The following ARHGEF3 variants were observed in gnomAD, a reference collection of about 807,000 sequenced individuals.
ARHGEF3 encodes the protein 59.8 kDA protein.
A neutral mutation model predicts 63.2 loss-of-function variants in ARHGEF3; 28 were observed. That is an observed-to-expected ratio of 0.44 (90% CI 0.33 to 0.61). The LOEUF is 0.61. Ranked by LOEUF, ARHGEF3 falls within the 20% of genes least tolerant of loss-of-function variation. The pLI, the probability that ARHGEF3 is intolerant of heterozygous loss-of-function variation, is 0.03. For synonymous variants in ARHGEF3, 266 were observed against 254.2 expected, an observed-to-expected ratio of 1.05 and a Z score of -0.44; for missense variants, 533 against 659.3, an observed-to-expected ratio of 0.81 and a Z score of 2.10.
chr3:56,896,974 A>G (rs2041324525), intron 3 of ARHGEF3, among the ~76,000 whole-genome samples: 1 of 152,208 alleles, frequency 6.6e-6, no homozygotes, highest in Admixed American at 6.5e-5. Context: ...TAACCAGCAA[A>G]TTGAAAATAT....
At chr3:56,861,284 T>G (rs1158296183) in intron 4 of ARHGEF3, among the ~76,000 whole-genome samples, 1 of 152,126 alleles carries the variant, frequency 6.6e-6, no homozygotes, top group Non-Finnish European at 1.5e-5. Context: ...GGGTGGGACA[T>G]GGAGGAGTCT....
At chr3:56,839,855 A>AG (rs1042695576) in intron 4 of ARHGEF3, among the ~76,000 whole-genome samples, 1 of 152,108 alleles carries the variant, frequency 6.6e-6, no homozygotes. Flanking sequence ...TGAGGAAGGG[A>AG]GGGTCTGGTC....
chr3:57,061,775 C>T (rs1705235703), intron 1 of ARHGEF3, among the ~76,000 whole-genome samples: 1 of 152,186 alleles, frequency 6.6e-6, no homozygotes, highest in Non-Finnish European at 1.5e-5. Context: ...TTACTCACCA[C>T]TCTAAGAATT....
intron 8 of ARHGEF3, among the ~76,000 whole-genome samples, chr3:56,733,857 G>A (rs924118913): frequency 1.3e-5 from 2 of 151,746 alleles, no homozygotes; most frequent in Non-Finnish European, 2.9e-5. Flanking sequence ...GGTGGCAGGC[G>A]CCTATAATCC....
At chr3:56,836,769 A>C (rs572666154) in intron 4 of ARHGEF3, among the ~76,000 whole-genome samples, 2 of 152,282 alleles carry the variant, frequency 1.3e-5, no homozygotes, top group South Asian at 4.1e-4. Flanking sequence ...CTACAAAAAA[A>C]TACAAAAATT....
intron 8 of ARHGEF3, among the ~76,000 whole-genome samples, chr3:56,734,127 G>C (rs80294830): frequency 6.6e-6 from 1 of 152,042 alleles, no homozygotes; most frequent in Non-Finnish European, 1.5e-5. Context: ...ATGAAGGCTT[G>C]TTTCAGGTCC....
rs1700268762 is a variant in ARHGEF3 at position 56,961,271 on chromosome 3, A to T, written c.63-2382T>A. ...ATCTTACATCATAATTTTATATAAC[A>T]TTATGTAATATGATATAGTGGGAAC... On this transcript the variant is annotated intron_variant, in intron 2 of 12. Transcript: ENST00000338458. Among the ~76,000 whole-genome samples the T allele has an allele frequency of 5.9e-5, 9 of 152,360 alleles. No individual in the cohort carries two copies. In the South Asian group the frequency reaches 1.9e-3, roughly 32 times the overall value.
intron 1 of ARHGEF3, among the ~76,000 whole-genome samples, chr3:57,042,692 A>ATTTTTTTTTTT (rs1447905041): frequency 4.2e-5 from 1 of 23,966 alleles, no homozygotes; most frequent in Non-Finnish European, 8.0e-5. Context: ...ATATATATAT[A>ATTTTTTTTTTT]TATATATATT....
intron 3 of ARHGEF3, among the ~76,000 whole-genome samples, chr3:56,925,869 A>G (rs1387659134): frequency 2.0e-5 from 3 of 152,200 alleles, no homozygotes; most frequent in African/African-American, 7.2e-5. Flanking sequence ...TGGTGGTCCA[A>G]TCTCCCACCT....
At chr3:57,011,260 C>G (rs1341181789) in intron 2 of ARHGEF3, among the ~76,000 whole-genome samples, 1 of 152,182 alleles carries the variant, frequency 6.6e-6, no homozygotes, top group African/African-American at 2.4e-5. Context: ...CATGATGGTG[C>G]TAAGCACATG....
At chr3:56,743,279 G>A (rs1454820111) in intron 7 of ARHGEF3, among the ~76,000 whole-genome samples, 3 of 152,120 alleles carry the variant, frequency 2.0e-5, no homozygotes, top group African/African-American at 7.2e-5. Context: ...TATCCTACTT[G>A]GAGGCACCCA....
In ARHGEF3 at chr3:57,000,306, ACT is replaced by A. The variant is rs1296343008; in HGVS notation, c.62+34780_62+34781del. On this transcript the variant is annotated intron_variant, in intron 2 of 12. Transcript: ENST00000338458. ...TGTAAAGTCCTTTTTTTAGAGGGTA[ACT>A]CCCACACACACACACACACACACAC... is the stretch of plus-strand genomic sequence containing the variant. 4.6e-4 allele frequency among the ~76,000 whole-genome samples: 25 copies of A among 53,996 alleles called. 1 individual carries two copies. The highest frequency in any genetic ancestry group is 3.3e-3 in the South Asian group (4 of 1,204). 35.4% of individuals were successfully genotyped at this position (53,996 alleles called of 152,430 possible). A position where few individuals can be genotyped will look rare whatever the true frequency, so the allele number is the denominator to read the frequency against.
At chr3:57,000,310 C>CCACACACACACACACA (rs71076009) in intron 2 of ARHGEF3, among the ~76,000 whole-genome samples, 9 of 139,264 alleles carry the variant, frequency 6.5e-5, no homozygotes, top group Middle Eastern at 3.6e-3. Context: ...AGGGTAACTC[C>CCACACACACACACACA]CACACACACA....
At chr3:56,755,715 AAGG>A (rs1318923139) in intron 2 of ARHGEF3, among the ~76,000 whole-genome samples, 3 of 151,980 alleles carry the variant, frequency 2.0e-5, no homozygotes, top group Non-Finnish European at 2.9e-5. Flanking sequence ...TTACGGGAGA[AAGG>A]AGGAAAGAGT....
Position 56,767,583 on chromosome 3 carries a change from CA to C in ARHGEF3, c.204+6125del, listed in dbSNP as rs541314948. 4.2e-3 allele frequency among the ~76,000 whole-genome samples: 328 copies of C among 77,416 alleles called. 1 individual carries two copies. The highest frequency in any genetic ancestry group is 0.016 in the African/African-American group (252 of 15,942). The allele number at this position is 77,416 out of a possible 152,430, so 50.8% of individuals were successfully genotyped here. A position where few individuals can be genotyped will look rare whatever the true frequency, so the allele number is the denominator to read the frequency against. On this transcript the variant is annotated intron_variant, in intron 2 of 9. Coordinates refer to ENST00000296315, the MANE Select transcript of ARHGEF3 (RefSeq NM_019555.3). ...TGGGCAACAAAGCGAGACTCCGTCT[CA>C]AAAAAAAAAAAAAAAAAAAAAAATG... is the stretch of plus-strand genomic sequence containing the variant.
chr3:56,911,966 C>CACATATATATATACACACATATATATAT (rs2041863418), intron 3 of ARHGEF3, among the ~76,000 whole-genome samples: 1 of 150,848 alleles, frequency 6.6e-6, no homozygotes, highest in African/African-American at 2.5e-5. Context: ...TATATACACA[C>CACATATATATATACACACATATATATAT]ACATATATAT....
chr3:57,023,891 A>G (rs902203717), intron 2 of ARHGEF3, among the ~76,000 whole-genome samples: 2 of 152,202 alleles, frequency 1.3e-5, no homozygotes, highest in Admixed American at 1.3e-4. Flanking sequence ...CTCCTGTACT[A>G]TAAGATTCAC....
chr3:57,002,502 A>ATATATATATATATGT lies in ARHGEF3; in HGVS notation c.62+32585_62+32586insACATATATATATATA, dbSNP rs1560123081. On this transcript the variant is annotated intron_variant, in intron 2 of 12. Coordinates refer to the ARHGEF3 transcript ENST00000338458. ...TGTTATATATATATATATATGTTAT[A>ATATATATATATATGT]TATATATATATGTTATATATGTATG... Among the ~76,000 whole-genome samples the ATATATATATATATGT allele has an allele frequency of 3.7e-4, 30 of 81,072 alleles. 1 individual carries two copies. The highest frequency in any genetic ancestry group is 1.2e-3 in the African/African-American group (29 of 23,386). 53.2% of individuals were successfully genotyped at this position (81,072 alleles called of 152,430 possible). A position where few individuals can be genotyped will look rare whatever the true frequency, so the allele number is the denominator to read the frequency against.
chr3:56,975,184 G>A (rs1281465462), intron 2 of ARHGEF3, among the ~76,000 whole-genome samples: 3 of 152,116 alleles, frequency 2.0e-5, no homozygotes, highest in Admixed American at 6.5e-5. Flanking sequence ...CTGGGAGGCC[G>A]AGGCAGGCGG....
Sources: gnomAD v4.1 joint callset for allele counts (sites outside exome capture counted in the v4.1 genomes callset) on GRCh38, gnomAD v4.1.1 for gene constraint, MANE v1.5 for transcripts, NCBI Gene and HGNC (gene_info 2026-07-23, HGNC 2026-07-21) for gene names.